The following TRIM69 variants were observed in gnomAD, a reference collection of about 807,000 sequenced individuals.
TRIM69 encodes tripartite motif containing 69, also known as E3 ubiquitin-protein ligase TRIM69.
In TRIM69, 29 loss-of-function variants were observed where a neutral mutation model predicts 37.7. The observed-to-expected ratio is 0.77, with a 90% confidence interval of 0.57 to 1.05. TRIM69 has a LOEUF of 1.05. Ranked by LOEUF, TRIM69 falls within the 50% of genes least tolerant of loss-of-function variation. The pLI is 0.00. For missense variants in TRIM69, 596 were observed against 579.9 expected, an observed-to-expected ratio of 1.03 and a Z score of -0.28; for synonymous variants, 209 against 212.4, an observed-to-expected ratio of 0.98 and a Z score of 0.14.
chr15:44,743,905 T>C (rs980620787), intron 1 of TRIM69, among the ~76,000 whole-genome samples: 6 of 152,356 alleles, frequency 3.9e-5, no homozygotes, highest in Non-Finnish European at 7.3e-5. Flanking sequence ...TGGTGATTCC[T>C]CAGGGATCTA....
intron 1 of TRIM69, among the ~76,000 whole-genome samples, chr15:44,739,542 C>T (rs1175862396): frequency 1.2e-4 from 18 of 152,318 alleles, no homozygotes; most frequent in East Asian, 5.8e-4. Context: ...TGTGCTTTTC[C>T]GACGGGCTTA....
rs1292552645 is a variant in TRIM69, at chr15:44,756,483, G to T, written c.579+20G>T. Reference sequence around the variant, plus strand: ...CACAAGGTGAGGAGCAAGAAAGAGGGGTTATGAGATAGAACTGGAACACAC... The same window carrying T: ...CACAAGGTGAGGAGCAAGAAAGAGGTGTTATGAGATAGAACTGGAACACAC... On this transcript the variant is annotated intron_variant, in intron 3 of 6. Coordinates refer to ENST00000329464, the MANE Select transcript of TRIM69 (RefSeq NM_182985.5). 1 of 1,514,734 alleles carries T rather than the reference G, an allele frequency of 6.6e-7. No homozygotes were observed. The highest frequency in any genetic ancestry group is 2.0e-5 in the Admixed American group (1 of 50,820). The allele number at this position is 1,514,734 out of a possible 1,614,324, so 93.8% of individuals were successfully genotyped here.
chr15:44,743,035 A>G (rs1395697290), intron 1 of TRIM69, among the ~76,000 whole-genome samples: 4 of 150,776 alleles, frequency 2.7e-5, no homozygotes, highest in African/African-American at 7.4e-5. Context: ...GAACAAAGCT[A>G]GAGGCATCAT....
At chr15:44,757,990 C>A (rs1241715414) in intron 3 of TRIM69, 1 of 153,012 alleles carries the variant, frequency 6.5e-6, no homozygotes, top group Non-Finnish European at 1.5e-5. Flanking sequence ...ATAGGAGTAT[C>A]TGAGTGAGCC....
chr15:44,754,990 C>A lies in TRIM69; in HGVS notation c.97C>A (p.Gln33Lys). 1.2e-6 allele frequency: 2 copies of A among 1,614,116 alleles called. No homozygotes were observed. The highest frequency in any genetic ancestry group is 1.7e-6 in the Non-Finnish European group (2 of 1,179,992). ...ITHLPSKVVI[Q>K]DITMELHCPL... The stretch of plus-strand genomic sequence containing the variant: ...CCACCTACCCTCTAAAGTGGTGATA[C>A]AAGATATTACTATGGAGCTACACTG... Residue 33 changes from glutamine (Q) to lysine (K), a missense_variant, in exon 2 of 7, where the codon CAA (glutamine) becomes AAA (lysine). Coordinates refer to ENST00000329464, the MANE Select transcript of TRIM69 (RefSeq NM_182985.5).
At chr15:44,759,183 T>C (rs1041251291) in intron 4 of TRIM69, among the ~76,000 whole-genome samples, 3 of 152,234 alleles carry the variant, frequency 2.0e-5, no homozygotes, top group Non-Finnish European at 4.4e-5. Flanking sequence ...AGTTGTATCT[T>C]TGGCTCTCAG....
chr15:44,747,530 A>G (rs1471428235), intron 1 of TRIM69, among the ~76,000 whole-genome samples: 1 of 152,230 alleles, frequency 6.6e-6, no homozygotes. Context: ...AGAAGATATG[A>G]AAAAGAAATT....
At chr15:44,754,841 T>C in intron 1 of TRIM69, 59 bp from the exon 2 acceptor site, 1 of 1,291,784 alleles carries the variant, frequency 7.7e-7, no homozygotes, top group Non-Finnish European at 1.1e-6. Flanking sequence ...GCCATCATCC[T>C]GGAGTGTTAA....
At chr15:44,741,332 T>G (rs1032784543) in intron 1 of TRIM69, among the ~76,000 whole-genome samples, 3 of 151,828 alleles carry the variant, frequency 2.0e-5, no homozygotes, top group African/African-American at 7.3e-5. Context: ...TAGAGGGAAA[T>G]TTATAGCACT....
intron 6 of TRIM69, among the ~76,000 whole-genome samples, chr15:44,761,280 T>C (rs896799993): frequency 6.6e-6 from 1 of 152,202 alleles, no homozygotes; most frequent in African/African-American, 2.4e-5. Context: ...ATTTATTCAG[T>C]TTACTTATTC....
At chr15:44,749,004 C>T (rs544310567) in intron 1 of TRIM69, among the ~76,000 whole-genome samples, 1,823 of 151,804 alleles carry the variant, frequency 0.012, 42 homozygotes, top group African/African-American at 0.043. Context: ...CCTCAGCCTT[C>T]CGAGTAGCCG....
intron 1 of TRIM69, among the ~76,000 whole-genome samples, chr15:44,744,403 A>G (rs1212995639): frequency 6.6e-6 from 1 of 150,998 alleles, no homozygotes; most frequent in Non-Finnish European, 1.5e-5. Context: ...ACATGTATAC[A>G]TATGTAACTA....
chr15:44,740,596 G>A (rs1441436492), intron 1 of TRIM69, among the ~76,000 whole-genome samples: 1 of 152,056 alleles, frequency 6.6e-6, no homozygotes, highest in East Asian at 1.9e-4. Flanking sequence ...ACACACATAG[G>A]CTCAAAATGA....
Position 44,755,143 on chromosome 15 carries a change from CTA to C in TRIM69, c.252_253del (p.Cys85SerfsTer3). On this transcript the variant is annotated frameshift_variant, in exon 2 of 7. Transcript: ENST00000329464. LOFTEE classifies it high-confidence loss of function. ...AACATTCTGTCCTGAGTGTAAGATG[CTA>C]TGTCAGTATAACAACTGTACATTCA... ...KETFCPECKM[L>X]CQYNNCTFNP... 1 of 1,614,172 alleles carries C rather than the reference CTA, an allele frequency of 6.2e-7. No individual in the cohort carries two copies. The highest frequency in any genetic ancestry group is 1.1e-5 in the South Asian group (1 of 91,084).
At chr15:44,750,748 G>A (rs62025037) in intron 1 of TRIM69, among the ~76,000 whole-genome samples, 6,798 of 93,056 alleles carry the variant, frequency 0.073, 283 homozygotes, top group Middle Eastern at 0.12. Flanking sequence ...TTTTTGAGAC[G>A]GAGTCTCACT....
intron 6 of TRIM69, among the ~76,000 whole-genome samples, chr15:44,763,899 G>A (rs1352560137): frequency 6.6e-6 from 1 of 152,114 alleles, no homozygotes; most frequent in African/African-American, 2.4e-5. Flanking sequence ...TACCCTACCT[G>A]ACGTTGACAT....
chr15:44,756,801 C>T (rs933893902), intron 3 of TRIM69: 21 of 191,496 alleles, frequency 1.1e-4, no homozygotes, highest in African/African-American at 4.9e-4. Context: ...AAATCAATCA[C>T]TAAAGATTGC....
At chr15:44,742,520 G>A (rs1400198449) in intron 1 of TRIM69, among the ~76,000 whole-genome samples, 2 of 102,696 alleles carry the variant, frequency 1.9e-5, no homozygotes, top group African/African-American at 6.8e-5. Flanking sequence ...AAAAGAGGAA[G>A]TCAAATTGTC....
chr15:44,743,100 C>G (rs1177484905), intron 1 of TRIM69, among the ~76,000 whole-genome samples: 2 of 152,144 alleles, frequency 1.3e-5, no homozygotes, highest in Admixed American at 6.6e-5. Context: ...CAGCATGGTA[C>G]TGGTACCAAA....
Sources: gnomAD v4.1 joint callset for allele counts (sites outside exome capture counted in the v4.1 genomes callset) on GRCh38, gnomAD v4.1.1 for gene constraint, MANE v1.5 for transcripts, NCBI Gene and HGNC (gene_info 2026-07-23, HGNC 2026-07-21) for gene names.